The following TFCP2 variants were observed in gnomAD, a reference collection of about 807,000 sequenced individuals.
The protein encoded by TFCP2 is alpha-globin transcription factor CP2.
TFCP2 carries 33 observed loss-of-function variants against 73.4 expected under a neutral mutation model. The observed-to-expected ratio is 0.45, with a 90% CI of 0.34 to 0.60. The LOEUF is 0.60. Ranked by LOEUF, TFCP2 falls within the 20% of genes least tolerant of loss-of-function variation. TFCP2 has a pLI of 0.01. For synonymous variants in TFCP2, 193 were observed against 211.6 expected (o/e 0.91, Z 0.76); for missense variants, 352 against 604.0 (o/e 0.58, Z 4.37).
At chr12:51,096,646 G>T (rs537200763) in intron 13 of TFCP2, among the ~76,000 whole-genome samples, 3 of 152,176 alleles carry the variant, frequency 2.0e-5, no homozygotes, top group African/African-American at 4.8e-5. Context: ...ACAAATTGTC[G>T]TAAGACAGAG....
intron 1 of TFCP2, among the ~76,000 whole-genome samples, chr12:51,140,971 G>A (rs982886072): frequency 9.9e-5 from 15 of 151,900 alleles, no homozygotes; most frequent in Non-Finnish European, 1.5e-4. Flanking sequence ...CAGGTGAATC[G>A]CTTGAACCGG....
At chr12:51,147,532 G>GT (rs1471576094) in intron 1 of TFCP2, among the ~76,000 whole-genome samples, 1 of 151,778 alleles carries the variant, frequency 6.6e-6, no homozygotes, top group Non-Finnish European at 1.5e-5. Context: ...GAAGAGGTGG[G>GT]GGGGGAAAGA....
chr12:51,147,548 G>T (rs898097480), intron 1 of TFCP2, among the ~76,000 whole-genome samples: 7 of 151,796 alleles, frequency 4.6e-5, no homozygotes, highest in African/African-American at 1.5e-4. Context: ...AAAGAGAGAA[G>T]GTGACAAAGT....
chr12:51,148,443 C>T (rs1246108420), intron 1 of TFCP2, among the ~76,000 whole-genome samples: 1 of 152,216 alleles, frequency 6.6e-6, no homozygotes, highest in Admixed American at 6.5e-5. Flanking sequence ...TGGCCCACAC[C>T]TGTAATCCCA....
intron 1 of TFCP2, among the ~76,000 whole-genome samples, chr12:51,171,837 A>G (rs1430352594): frequency 6.6e-6 from 1 of 152,230 alleles, no homozygotes; most frequent in East Asian, 1.9e-4. Context: ...GTGGTAAGAT[A>G]GAGCTGTACG....
chr12:51,100,264 C>T (rs1033380373), intron 11 of TFCP2, among the ~76,000 whole-genome samples: 2 of 152,106 alleles, frequency 1.3e-5, no homozygotes, highest in African/African-American at 4.8e-5. Flanking sequence ...CTAAAAAATG[C>T]CAACACAGTA....
At chr12:51,159,566 C>A (rs988636228) in intron 1 of TFCP2, among the ~76,000 whole-genome samples, 12 of 152,050 alleles carry the variant, frequency 7.9e-5, no homozygotes, top group African/African-American at 2.9e-4. Flanking sequence ...CTCGAACCCA[C>A]CTCAGCCTCC....
chr12:51,115,244 T>C (rs1194758859), intron 4 of TFCP2, among the ~76,000 whole-genome samples: 22 of 150,080 alleles, frequency 1.5e-4, no homozygotes, highest in African/African-American at 5.4e-4. Flanking sequence ...CTCAGCCTCC[T>C]GGGTAGCTGG....
At chr12:51,148,758 C>T (rs1261745070) in intron 1 of TFCP2, among the ~76,000 whole-genome samples, 1 of 149,836 alleles carries the variant, frequency 6.7e-6, no homozygotes, top group Admixed American at 6.7e-5. Context: ...GGTGCAGTGG[C>T]TCACATCTGT....
chr12:51,115,479 A>C (rs963757769), intron 4 of TFCP2, among the ~76,000 whole-genome samples: 2 of 152,170 alleles, frequency 1.3e-5, no homozygotes, highest in Non-Finnish European at 2.9e-5. Context: ...ACTGTGGAAA[A>C]CAATATAGTG....
chr12:51,128,949 G>A (rs1209229806), intron 1 of TFCP2, among the ~76,000 whole-genome samples: 10 of 151,980 alleles, frequency 6.6e-5, no homozygotes, highest in Non-Finnish European at 1.3e-4. Flanking sequence ...AATTTAAGGG[G>A]ATCATATTTA....
At chr12:51,107,166 G>A in intron 7 of TFCP2, 70 bp downstream of exon 7, 1 of 1,282,058 alleles carries the variant, frequency 7.8e-7, no homozygotes, top group South Asian at 1.3e-5. Flanking sequence ...ATTCTGACCA[G>A]TTTGGAAGTG....
chr12:51,104,028 T>G, intron 9 of TFCP2, 127 bp downstream of exon 9: 1 of 1,017,588 alleles, frequency 9.8e-7, no homozygotes, highest in Non-Finnish European at 1.5e-6. Context: ...TAGTCAAAAT[T>G]CAATAAATGT....
intron 1 of TFCP2, among the ~76,000 whole-genome samples, chr12:51,171,701 T>C (rs1311997582): frequency 2.6e-5 from 4 of 152,206 alleles, no homozygotes; most frequent in African/African-American, 9.6e-5. Context: ...TCATCTGTTA[T>C]CAACAACTGG....
chr12:51,111,973 A>G (rs1940412428), intron 4 of TFCP2, among the ~76,000 whole-genome samples: 1 of 152,184 alleles, frequency 6.6e-6, no homozygotes, highest in South Asian at 2.1e-4. Context: ...CCTGGCCAAC[A>G]TGGCGAAACC....
At chr12:51,136,392 C>T (rs765330780) in intron 1 of TFCP2, among the ~76,000 whole-genome samples, 5 of 152,050 alleles carry the variant, frequency 3.3e-5, no homozygotes, top group Non-Finnish European at 7.4e-5. Flanking sequence ...CACAGCAATA[C>T]CATACTAAAT....
chr12:51,164,850 C>T (rs761696533), intron 1 of TFCP2, among the ~76,000 whole-genome samples: 5 of 151,992 alleles, frequency 3.3e-5, no homozygotes, highest in Middle Eastern at 3.2e-3. Context: ...AAAGTCTCAA[C>T]AAACCTATAA....
At chr12:51,095,843 T>TA (rs903053631) in intron 14 of TFCP2, 146 bp downstream of exon 14, 1 of 416,214 alleles carries the variant, frequency 2.4e-6, no homozygotes, top group Non-Finnish European at 4.1e-6. Flanking sequence ...AAAGCCAACT[T>TA]AAAAAAAGGA....
At chr12:51,168,959 G>A (rs533184460) in intron 1 of TFCP2, among the ~76,000 whole-genome samples, 5 of 151,642 alleles carry the variant, frequency 3.3e-5, no homozygotes, top group Non-Finnish European at 7.4e-5. Context: ...GCACCACCAC[G>A]CCCAACTAAT....
Sources: gnomAD v4.1 joint callset for allele counts (sites outside exome capture counted in the v4.1 genomes callset) on GRCh38, gnomAD v4.1.1 for gene constraint, MANE v1.5 for transcripts, NCBI Gene and HGNC (gene_info 2026-07-23, HGNC 2026-07-21) for gene names.